Variants in NAA11 observed in about 807,000 individuals in gnomAD.
NAA11 encodes the protein N-alpha-acetyltransferase 11.
In NAA11, 15 loss-of-function variants were observed where a neutral mutation model predicts 16.1. The observed-to-expected ratio is 0.93, with a 90% CI of 0.62 to 1.44. The LOEUF is 1.44. Among genes scored for constraint, NAA11 ranks in the 40% most tolerant of loss-of-function variants. NAA11 has a pLI of 0.00. For synonymous variants in NAA11, 122 were observed against 112.4 expected (o/e 1.09, Z -0.54); for missense variants, 298 against 291.3 (o/e 1.02, Z -0.17).
chr4:79,250,975 G>A (rs1326346859), intron 2 of NAA11, among the ~76,000 whole-genome samples: 1 of 152,154 alleles, frequency 6.6e-6, no homozygotes, highest in Non-Finnish European at 1.5e-5. Flanking sequence ...AATAACAGAT[G>A]CAAGTGAGTT....
At chr4:79,199,612 G>T in the NAA11 span, among the ~76,000 whole-genome samples, 1 of 151,732 alleles carries the variant, frequency 6.6e-6, no homozygotes, top group Non-Finnish European at 1.5e-5. Context: ...TACAATAATG[G>T]CTTGTTTATT....
chr4:79,239,735 A>T (rs979203460), intron 2 of NAA11, among the ~76,000 whole-genome samples: 1 of 152,102 alleles, frequency 6.6e-6, no homozygotes, highest in Non-Finnish European at 1.5e-5. Context: ...ACCTCTTATA[A>T]TGGACACAAA....
the NAA11 span, among the ~76,000 whole-genome samples, chr4:79,158,435 C>T: frequency 6.6e-6 from 1 of 151,932 alleles, no homozygotes; most frequent in Non-Finnish European, 1.5e-5. Flanking sequence ...AGGAAAACTA[C>T]AAAACACTGC....
chr4:79,161,705 T>C, the NAA11 span, among the ~76,000 whole-genome samples: 91 of 151,774 alleles, frequency 6.0e-4, no homozygotes, highest in Admixed American at 2.4e-3. Context: ...GATGGAGTCT[T>C]GCTCTGTCGC....
chr4:79,314,414 G>A (rs1723868302), downstream of NAA11, among the ~76,000 whole-genome samples: 1 of 151,984 alleles, frequency 6.6e-6, no homozygotes, highest in Admixed American at 6.6e-5. Context: ...TCAGATGACA[G>A]TGTGCAAAAC....
chr4:79,184,221 A>C, the NAA11 span, among the ~76,000 whole-genome samples: 1 of 152,222 alleles, frequency 6.6e-6, no homozygotes, highest in Non-Finnish European at 1.5e-5. Flanking sequence ...TGTTAATTTT[A>C]AGTGAACCTT....
At chr4:79,313,349 A>G (rs549340081), downstream of NAA11, among the ~76,000 whole-genome samples, 151 of 152,310 alleles carry the variant, frequency 9.9e-4, no homozygotes, top group African/African-American at 3.3e-3. Context: ...GATGTGCTAG[A>G]GGATATCCAC....
intron 1 of NAA11, among the ~76,000 whole-genome samples, chr4:79,324,667 C>T (rs906159209): frequency 6.6e-6 from 1 of 152,152 alleles, no homozygotes; most frequent in Non-Finnish European, 1.5e-5. Flanking sequence ...TAAGGAGACA[C>T]ATATTTGTCT....
At chr4:79,228,431 A>G (rs1329413865) in intron 2 of NAA11, among the ~76,000 whole-genome samples, 1 of 152,042 alleles carries the variant, frequency 6.6e-6, no homozygotes, top group African/African-American at 2.4e-5. Flanking sequence ...TCATGTAACC[A>G]TCACCACAAT....
At chr4:79,187,019 G>C in the NAA11 span, among the ~76,000 whole-genome samples, 1 of 152,150 alleles carries the variant, frequency 6.6e-6, no homozygotes, top group Non-Finnish European at 1.5e-5. Flanking sequence ...GTAAGGTTGA[G>C]TGCATATTCT....
intron 2 of NAA11, among the ~76,000 whole-genome samples, chr4:79,261,287 A>G (rs1173377092): frequency 6.6e-6 from 1 of 152,168 alleles, no homozygotes; most frequent in Non-Finnish European, 1.5e-5. Flanking sequence ...TCTTCCTTGT[A>G]TGCTTCAGGT....
At chr4:79,263,127 CGTG>C in intron 2 of NAA11, among the ~76,000 whole-genome samples, 1 of 151,992 alleles carries the variant, frequency 6.6e-6, no homozygotes, top group Non-Finnish European at 1.5e-5. Flanking sequence ...CAAGAAAAAT[CGTG>C]GTATTTTTAT....
At chr4:79,199,455 T>A in the NAA11 span, among the ~76,000 whole-genome samples, 1 of 151,884 alleles carries the variant, frequency 6.6e-6, no homozygotes, top group Admixed American at 6.6e-5. Flanking sequence ...CAGAAGGGAC[T>A]CTGTGAACTT....
At chr4:79,223,808 T>G (rs1304775909), downstream of NAA11, among the ~76,000 whole-genome samples, 3 of 152,070 alleles carry the variant, frequency 2.0e-5, no homozygotes, top group African/African-American at 4.8e-5. Flanking sequence ...CAGTTAGATT[T>G]ATTTGCTTTC....
At chr4:79,157,505 G>A in the NAA11 span, among the ~76,000 whole-genome samples, 1 of 150,702 alleles carries the variant, frequency 6.6e-6, no homozygotes, top group African/African-American at 2.4e-5. Flanking sequence ...ACATATATAT[G>A]TATGTATATA....
the NAA11 span, among the ~76,000 whole-genome samples, chr4:79,158,705 ATATATATATATATATATGGC>A: frequency 6.9e-6 from 1 of 145,480 alleles, no homozygotes; most frequent in Non-Finnish European, 1.5e-5. Flanking sequence ...CCTGATATAT[ATATATATATATATATATGGC>A]TATAGTCACC....
intron 2 of NAA11, among the ~76,000 whole-genome samples, chr4:79,232,602 G>C (rs1024131100): frequency 1.3e-5 from 2 of 151,900 alleles, no homozygotes; most frequent in African/African-American, 4.8e-5. Flanking sequence ...ACTTGTTTAG[G>C]TTACTACTAT....
At chr4:79,159,675 G>T in the NAA11 span, among the ~76,000 whole-genome samples, 1 of 151,992 alleles carries the variant, frequency 6.6e-6, no homozygotes, top group South Asian at 2.1e-4. Flanking sequence ...AACTACTTTT[G>T]CACCAACCTA....
the NAA11 span, among the ~76,000 whole-genome samples, chr4:79,173,504 A>G: frequency 2.6e-5 from 4 of 152,136 alleles, no homozygotes; most frequent in Non-Finnish European, 5.9e-5. Context: ...TAGATGTTTA[A>G]TAAATATTGA....
Sources: allele counts gnomAD v4.1 joint callset (sites outside exome capture counted in the v4.1 genomes callset), GRCh38; gene constraint gnomAD v4.1.1; transcripts MANE v1.5; gene names NCBI Gene and HGNC (gene_info 2026-07-23, HGNC 2026-07-21).